Variants in RAI2 observed in about 807,000 individuals in gnomAD.
The protein encoded by RAI2 is retinoic acid induced 2.
In RAI2, 5 loss-of-function variants were observed where a neutral mutation model predicts 15.3. The ratio of observed to expected loss-of-function variants is 0.33; its 90% CI spans 0.17 to 0.69. The LOEUF (loss-of-function observed/expected upper bound fraction) is 0.69. RAI2 is among the 30% of genes least tolerant of loss of function. The probability of loss-of-function intolerance (pLI) is 0.69; values close to 1 mark genes in which losing one functional copy is unlikely to be tolerated. For missense variants in RAI2, 424 were observed against 424.7 expected, an observed-to-expected ratio of 1.00 and a Z score of 0.01; for synonymous variants, 191 against 184.0, an observed-to-expected ratio of 1.04 and a Z score of -0.31.
intron 1 of RAI2, among the ~76,000 whole-genome samples, chrX:17,822,970 G>A (rs1461815919): frequency 1.8e-5 from 2 of 112,328 alleles, no homozygotes; most frequent in Non-Finnish European, 3.8e-5. Context: ...ACACTCACTC[G>A]TCCCCTGAAG....
At chrX:17,814,971 C>T (rs2067089753) in intron 1 of RAI2, among the ~76,000 whole-genome samples, 1 of 109,964 alleles carries the variant, frequency 9.1e-6, no homozygotes, top group Non-Finnish European at 1.9e-5. Flanking sequence ...ATAACCTCGA[C>T]CCGAGAAGTA....
At chrX:17,840,042 T>C (rs2067380357) in intron 1 of RAI2, among the ~76,000 whole-genome samples, 1 of 112,882 alleles carries the variant, frequency 8.9e-6, no homozygotes, top group African/African-American at 3.2e-5. Flanking sequence ...CAGTTTTCTC[T>C]GATAATATTA....
At chrX:17,842,550 A>C (rs1355297328) in intron 1 of RAI2, among the ~76,000 whole-genome samples, 1 of 110,454 alleles carries the variant, frequency 9.1e-6, no homozygotes, top group African/African-American at 3.3e-5. Context: ...ATGATTAGGG[A>C]AACATAAATG....
At chrX:17,825,542 A>T (rs1471837564) in intron 1 of RAI2, among the ~76,000 whole-genome samples, 1 of 112,607 alleles carries the variant, frequency 8.9e-6, no homozygotes, top group East Asian at 2.8e-4. Flanking sequence ...CCTTGGCCTC[A>T]GCCAGCCATT....
At chrX:17,802,074 A>T in intron 1 of RAI2, 40 bp from the exon 2 acceptor site, 1 of 1,139,214 alleles carries the variant, frequency 8.8e-7, no homozygotes, top group African/African-American at 1.8e-5. Context: ...TCCTTAAAAG[A>T]CTATTTATAA....
At chrX:17,845,633 G>A (rs2067448335) in intron 1 of RAI2, among the ~76,000 whole-genome samples, 1 of 112,241 alleles carries the variant, frequency 8.9e-6, no homozygotes, top group African/African-American at 3.2e-5. Context: ...GGATGGGGGT[G>A]GAGAAAGGAA....
chrX:17,833,419 C>T (rs188058610), intron 1 of RAI2, among the ~76,000 whole-genome samples: 3 of 111,438 alleles, frequency 2.7e-5, no homozygotes, highest in East Asian at 2.8e-4. Context: ...CTACTCAGGA[C>T]GCTCAGGCAG....
chrX:17,853,675 T>A (rs1199973592), intron 1 of RAI2, among the ~76,000 whole-genome samples: 4 of 111,446 alleles, frequency 3.6e-5, no homozygotes, highest in Admixed American at 1.9e-4. Flanking sequence ...CATTTTTTTT[T>A]TAAAAAAAGG....
At chrX:17,802,079 T>G in intron 1 of RAI2, 45 bp from the exon 2 acceptor site, 1 of 1,137,610 alleles carries the variant, frequency 8.8e-7, no homozygotes, top group Non-Finnish European at 1.2e-6. Flanking sequence ...AAAAGACTAT[T>G]TATAATTGCC....
intron 1 of RAI2, among the ~76,000 whole-genome samples, chrX:17,854,180 G>A (rs1172294149): frequency 8.9e-6 from 1 of 112,006 alleles, no homozygotes; most frequent in African/African-American, 3.2e-5. Context: ...AAAACATGCA[G>A]CCCATTCTCT....
chrX:17,846,815 A>T (rs929907896), intron 1 of RAI2, among the ~76,000 whole-genome samples: 4 of 112,182 alleles, frequency 3.6e-5, no homozygotes, highest in African/African-American at 1.3e-4. Flanking sequence ...TCAGCCTAAT[A>T]TGATTTGGCT....
intron 1 of RAI2, among the ~76,000 whole-genome samples, chrX:17,828,280 C>T (rs1446982525): frequency 2.7e-5 from 3 of 109,694 alleles, no homozygotes; most frequent in Non-Finnish European, 5.7e-5. Flanking sequence ...AGCTGCTCCA[C>T]TACAAAATCT....
chrX:17,830,495 T>C (rs192409364), intron 1 of RAI2, among the ~76,000 whole-genome samples: 1 of 111,132 alleles, frequency 9.0e-6, no homozygotes, highest in African/African-American at 3.3e-5. Context: ...TTGTTTTTTT[T>C]TTGTTGTTGT....
At chrX:17,834,465 G>C (rs1357738764) in intron 1 of RAI2, among the ~76,000 whole-genome samples, 1 of 103,473 alleles carries the variant, frequency 9.7e-6, no homozygotes, top group Non-Finnish European at 2.0e-5. Context: ...AAAATGATTC[G>C]TTTTTTTTTT....
chrX:17,801,663 G>C lies in RAI2; in HGVS notation c.348C>G (p.Thr116=). The change falls in exon 2 of 2, where the codon ACC becomes ACG. Residue 116 remains threonine, a synonymous_variant. Transcript: ENST00000451717. ...PNGNATYVMT[T]QGPVQLPVVL... is the part of the protein sequence containing the mutation. The stretch of plus-strand genomic sequence containing the variant: ...CCACGGGCAGTTGCACGGGGCCCTG[G>C]GTGGTCATGACGTAGGTGGCATTGC... The C allele has an allele frequency of 8.3e-7, 1 of 1,212,033 alleles. No individual in the cohort carries two copies. The highest frequency in any genetic ancestry group is 1.8e-5 in the South Asian group (1 of 56,995).
Position 17,800,783 on chromosome X carries a change from C to G in RAI2, c.1228G>C (p.Glu410Gln). The change falls in exon 2 of 2, where the codon GAG becomes CAG. Residue 410 changes from glutamate to glutamine, a missense_variant. Transcript: ENST00000451717. ...GGGTGGTTGGGCTGGCTGAGCATCTCGGTAGCAGCATCACTGCTGCTGATG... is the reference window on the plus strand; with the variant it reads ...GGGTGGTTGGGCTGGCTGAGCATCTGGGTAGCAGCATCACTGCTGCTGATG... ...SHISSSDAAT[E>Q]MLSQPNHPSG... is the part of the protein sequence containing the mutation. The G allele has an allele frequency of 8.3e-7, 1 of 1,211,786 alleles. No homozygotes were observed. The highest frequency in any genetic ancestry group is 1.1e-6 in the Non-Finnish European group (1 of 895,516).
Position 17,801,447 on chromosome X carries a change from G to C in RAI2, c.564C>G (p.Leu188=), listed in dbSNP as rs200310067. The C allele has an allele frequency of 1.3e-5, 15 of 1,161,168 alleles. No individual in the cohort carries two copies. The highest frequency in any genetic ancestry group is 1.7e-5 in the Non-Finnish European group (15 of 871,786). The change falls in exon 2 of 2, where the codon CTC becomes CTG. Residue 188 remains leucine, a synonymous_variant. Transcript: ENST00000451717. ...TGCCCTGGGAGGGAAACAAATTCTG[G>C]AGCACAGCTTCAAATGGCAAAGTGG... ...QEPTLPFEAV[L]QNLFPSQGTL...
chrX:17,839,054 T>C (rs1431875035), intron 1 of RAI2, among the ~76,000 whole-genome samples: 1 of 111,591 alleles, frequency 9.0e-6, no homozygotes, highest in Non-Finnish European at 1.9e-5. Context: ...TCATCATCAT[T>C]CCAGAAACAT....
In RAI2 at chrX:17,837,351, C is replaced by T. The variant is rs540891680; in HGVS notation, c.-25+23747G>A. ...CACTCTCTGAAATCCTTACTGACAT[C>T]CTGTGGATGGGCAACAGGCTGGATT... On this transcript the variant is annotated intron_variant, in intron 1 of 1. Coordinates refer to ENST00000451717, the MANE Select transcript of RAI2 (RefSeq NM_021785.6). 1.3e-4 allele frequency among the ~76,000 whole-genome samples: 15 copies of T among 112,072 alleles called. No homozygotes were observed. In the South Asian group the frequency reaches 5.6e-3, roughly 42 times the overall value.
Sources: allele counts gnomAD v4.1 joint callset (sites outside exome capture counted in the v4.1 genomes callset), GRCh38; gene constraint gnomAD v4.1.1; transcripts MANE v1.5; gene names NCBI Gene and HGNC (gene_info 2026-07-23, HGNC 2026-07-21).